Variants in HECW1 observed in about 807,000 individuals in gnomAD.
HECW1 encodes the protein HECT, C2 and WW domain containing E3 ubiquitin protein ligase 1, also known as E3 ubiquitin-protein ligase HECW1.
Under a neutral mutation model 182.3 loss-of-function variants are expected in HECW1, and 61 were observed. That is an observed-to-expected ratio of 0.33 (90% CI 0.27 to 0.41). HECW1 has a LOEUF of 0.41. Among genes scored for constraint, HECW1 ranks in the 10% least tolerant of loss-of-function variants. HECW1 has a pLI of 1.00. For missense variants in HECW1, 1,739 were observed against 2,108.9 expected, an observed-to-expected ratio of 0.82 and a Z score of 3.44; for synonymous variants, 859 against 832.6, an observed-to-expected ratio of 1.03 and a Z score of -0.55.
chr7:43,461,078 A>G (rs888509534), intron 13 of HECW1, among the ~76,000 whole-genome samples: 22 of 152,218 alleles, frequency 1.4e-4, no homozygotes, highest in African/African-American at 5.3e-4. Context: ...GCTGAGTAAA[A>G]CTACACCAAA....
At chr7:43,515,648 AC>A (rs1156600743) in intron 24 of HECW1, among the ~76,000 whole-genome samples, 1 of 152,224 alleles carries the variant, frequency 6.6e-6, no homozygotes, top group African/African-American at 2.4e-5. Context: ...TTAAAAATCA[AC>A]CTACCATTCC....
intron 6 of HECW1, among the ~76,000 whole-genome samples, chr7:43,365,484 G>A (rs903404868): frequency 6.6e-6 from 1 of 152,202 alleles, no homozygotes; most frequent in Non-Finnish European, 1.5e-5. Context: ...CTACTCTGGA[G>A]TAGAGACTTC....
intron 3 of HECW1, among the ~76,000 whole-genome samples, chr7:43,280,498 G>A (rs924873258): frequency 3.0e-4 from 45 of 152,214 alleles, no homozygotes; most frequent in African/African-American, 1.0e-3. Flanking sequence ...TGAGACGTAA[G>A]ACAAGTTTTG....
At chr7:43,265,256 T>C (rs1233014746) in intron 3 of HECW1, among the ~76,000 whole-genome samples, 1 of 152,132 alleles carries the variant, frequency 6.6e-6, no homozygotes, top group Admixed American at 6.5e-5. Flanking sequence ...AGGAGAATTC[T>C]GGGGTTCTGC....
At chr7:43,422,488 G>A (rs531436247) in intron 8 of HECW1, among the ~76,000 whole-genome samples, 1 of 150,550 alleles carries the variant, frequency 6.6e-6, no homozygotes, top group Admixed American at 6.6e-5. Context: ...TCAGCCTCCC[G>A]AGTAGCTGAG....
intron 12 of HECW1, among the ~76,000 whole-genome samples, chr7:43,452,987 G>T (rs929667794): frequency 2.0e-5 from 3 of 152,232 alleles, no homozygotes; most frequent in African/African-American, 7.2e-5. Context: ...GGCAGCAGGT[G>T]ATGTGGTTAG....
At chr7:43,183,084 T>G (rs149746628) in intron 2 of HECW1, among the ~76,000 whole-genome samples, 6 of 152,198 alleles carry the variant, frequency 3.9e-5, no homozygotes, top group African/African-American at 1.4e-4. Context: ...TTTGAGCATC[T>G]CCTAAGCGCA....
At chr7:43,242,189 G>A (rs949285395) in intron 2 of HECW1, among the ~76,000 whole-genome samples, 6 of 152,186 alleles carry the variant, frequency 3.9e-5, no homozygotes, top group Non-Finnish European at 7.3e-5. Context: ...AAGGAAGGGC[G>A]ACATCAGGTT....
intron 8 of HECW1, among the ~76,000 whole-genome samples, chr7:43,433,315 C>T (rs558194198): frequency 4.5e-4 from 68 of 152,346 alleles, no homozygotes; most frequent in African/African-American, 1.5e-3. Flanking sequence ...TAGATTATTA[C>T]TGAGAGAACA....
chr7:43,425,314 A>ATAGATAGG (rs1223560726), intron 8 of HECW1, among the ~76,000 whole-genome samples: 2 of 151,848 alleles, frequency 1.3e-5, no homozygotes. Context: ...TGATAGATAG[A>ATAGATAGG]TAGATAGATA....
chr7:43,401,293 C>T (rs1483850984), intron 7 of HECW1, among the ~76,000 whole-genome samples: 1 of 152,120 alleles, frequency 6.6e-6, no homozygotes, highest in Non-Finnish European at 1.5e-5. Context: ...AGTGATATGA[C>T]AGATTGACTT....
rs191428823 is a variant in HECW1 at position 43,382,179 on chromosome 7, G to A, written c.556-14635G>A. ...TGGGGGCCTGTAGTCCCAGCTGCTC[G>A]GGAGGCTGAGGCAGGAGAATGGCGT... On this transcript the variant is annotated intron_variant, in intron 6 of 29. Transcript: ENST00000395891. Among the ~76,000 whole-genome samples the A allele has an allele frequency of 1.0e-3, 153 of 152,182 alleles. 3 individuals carry two copies. The East Asian group carries it at 0.02, about 20-fold the overall frequency.
intron 3 of HECW1, among the ~76,000 whole-genome samples, chr7:43,282,769 A>G (rs1453183362): frequency 6.6e-6 from 1 of 152,186 alleles, no homozygotes; most frequent in East Asian, 1.9e-4. Context: ...CTGACAATGT[A>G]TAGAATCAAT....
intron 24 of HECW1, among the ~76,000 whole-genome samples, chr7:43,513,085 G>T (rs1043453996): frequency 5.9e-5 from 9 of 152,064 alleles, no homozygotes; most frequent in African/African-American, 2.2e-4. Flanking sequence ...ACATCTCCCC[G>T]ACCACTGGGT....
chr7:43,173,811 C>T (rs370041467), intron 2 of HECW1, among the ~76,000 whole-genome samples: 1 of 151,572 alleles, frequency 6.6e-6, no homozygotes, highest in South Asian at 2.1e-4. Context: ...CTCACAGTAT[C>T]ACCTCCACCA....
chr7:43,268,060 A>G (rs1003008815), intron 3 of HECW1, among the ~76,000 whole-genome samples: 1 of 152,220 alleles, frequency 6.6e-6, no homozygotes, highest in African/African-American at 2.4e-5. Context: ...CCTTTAAATT[A>G]TTAGTAAATC....
Position 43,329,044 on chromosome 7 carries a change from A to G in HECW1, c.460+8302A>G, listed in dbSNP as rs187906374. ...CTGGCATTACACTGGGGAGACAAGCATGTACTTCTTTTTGTGCTTTGTGTG... is the reference window on the plus strand; with the variant it reads ...CTGGCATTACACTGGGGAGACAAGCGTGTACTTCTTTTTGTGCTTTGTGTG... On this transcript the variant is annotated intron_variant, in intron 5 of 29. Transcript: ENST00000395891. Among the ~76,000 whole-genome samples, 150 of 152,288 alleles carry G rather than the reference A, an allele frequency of 9.8e-4. 2 individuals are homozygous for G. Among genetic ancestry groups the G allele is most frequent in the African/African-American group, 3.5e-3 (147 of 41,568 alleles).
chr7:43,387,847 A>G (rs757347434), intron 6 of HECW1, among the ~76,000 whole-genome samples: 3 of 152,240 alleles, frequency 2.0e-5, no homozygotes, highest in Non-Finnish European at 4.4e-5. Flanking sequence ...TCATCTATAA[A>G]GTAAGGAATC....
At chr7:43,329,977 C>T (rs78037614) in intron 5 of HECW1, among the ~76,000 whole-genome samples, 58 of 152,206 alleles carry the variant, frequency 3.8e-4, no homozygotes, top group Non-Finnish European at 7.4e-4. Flanking sequence ...ATGACTGATA[C>T]AGACTGTGAG....
Sources: allele counts gnomAD v4.1 joint callset (sites outside exome capture counted in the v4.1 genomes callset), GRCh38; gene constraint gnomAD v4.1.1; transcripts MANE v1.5; gene names NCBI Gene and HGNC (gene_info 2026-07-23, HGNC 2026-07-21).